LATS1: variants seen among roughly 807,000 people sequenced by gnomAD.
LATS1 encodes serine/threonine-protein kinase LATS1.
Under a neutral mutation model 106.6 loss-of-function variants are expected in LATS1, and 25 were observed. The observed-to-expected ratio is 0.23, with a 90% CI of 0.17 to 0.33. The LOEUF is 0.33. LATS1 is among the 10% of genes least tolerant of loss of function. The pLI is 1.00. For missense variants in LATS1, 1,040 were observed against 1,382.6 expected (o/e 0.75, Z 3.93); for synonymous variants, 465 against 455.6 (o/e 1.02, Z -0.26).
intron 3 of LATS1, among the ~76,000 whole-genome samples, chr6:149,689,971 T>TAA (rs148115943): frequency 1.0e-4 from 15 of 144,106 alleles, no homozygotes; most frequent in Non-Finnish European, 1.5e-4. Context: ...AGTCTTTACT[T>TAA]AAAAAAAAAA....
chr6:149,711,986 G>A (rs1180582494), intron 1 of LATS1, among the ~76,000 whole-genome samples: 2 of 152,062 alleles, frequency 1.3e-5, no homozygotes, highest in African/African-American at 4.8e-5. Context: ...GAGAGAGAGA[G>A]TGCGCACACA....
rs1489995684 is a variant in LATS1 at position 149,660,821 on chromosome 6, G to A, written c.*908C>T. ...AATAACAATCTGTATATGCAGCACTGTTCTGAAAGAGGAAACAGGTAACAT... is the reference window on the plus strand; with the variant it reads ...AATAACAATCTGTATATGCAGCACTATTCTGAAAGAGGAAACAGGTAACAT... On this transcript the variant is annotated 3_prime_UTR_variant, in exon 8 of 8. Transcript: ENST00000543571. 9.2e-6 allele frequency: 2 copies of A among 217,710 alleles called. No homozygotes were observed. The highest frequency in any genetic ancestry group is 9.2e-6 in the Non-Finnish European group (1 of 108,288). The allele number at this position is 217,710 out of a possible 1,614,324, so 13.5% of individuals were successfully genotyped here.
intron 7 of LATS1, among the ~76,000 whole-genome samples, chr6:149,665,792 G>C (rs1294832236): frequency 6.6e-6 from 1 of 152,080 alleles, no homozygotes; most frequent in Non-Finnish European, 1.5e-5. Context: ...TGGAACTTGT[G>C]GCCTGAACCC....
chr6:149,667,397 C>A (rs1781208774), intron 7 of LATS1, among the ~76,000 whole-genome samples: 1 of 132,286 alleles, frequency 7.6e-6, no homozygotes, highest in Non-Finnish European at 1.5e-5. Flanking sequence ...TGAAATCATG[C>A]CTCCGCACTC....
At chr6:149,679,450 G>A (rs1161855931) in intron 5 of LATS1, among the ~76,000 whole-genome samples, 1 of 151,542 alleles carries the variant, frequency 6.6e-6, no homozygotes, top group East Asian at 1.9e-4. Context: ...TACTCGGGAG[G>A]CTGAGGCAGG....
intron 7 of LATS1, among the ~76,000 whole-genome samples, chr6:149,663,895 C>T (rs1462618454): frequency 6.6e-6 from 1 of 151,204 alleles, no homozygotes; most frequent in Non-Finnish European, 1.5e-5. Flanking sequence ...GCAACCTCTG[C>T]CTCCTGGTTT....
chr6:149,683,465 C>T lies in LATS1; in HGVS notation c.1624G>A (p.Val542Met), dbSNP rs1245819063. Residue 542 changes from valine to methionine, a missense_variant, in exon 4 of 8, where the codon GTG becomes ATG. Val to Met is a conservative substitution (Grantham distance 21, BLOSUM62 1). Around this residue, in one of 7 missense-constraint regions of LATS1, gnomAD observed 624 missense variants for 714.8 expected, o/e 0.87. Coordinates refer to ENST00000543571, the MANE Select transcript of LATS1 (RefSeq NM_004690.4). ...FPEGTASNVTVMPPVAEAPNY... is the reference protein window; with the variant it reads ...FPEGTASNVTMMPPVAEAPNY... The stretch of plus-strand genomic sequence containing the variant: ...GGAGCTTCAGCAACAGGTGGCATCA[C>T]AGTCACATTTGAAGCGGTTCCCTCA... 1 of 1,614,198 alleles carries T rather than the reference C, an allele frequency of 6.2e-7. No homozygotes were observed.
chr6:149,706,183 CAAAAAAAAAAAAAAAAAAAAAAAAAAA>C (rs60729757), intron 1 of LATS1, among the ~76,000 whole-genome samples: 3 of 25,300 alleles, frequency 1.2e-4, no homozygotes, highest in East Asian at 1.4e-3. Context: ...AACCCGGTCG[CAAAAAAAAAAAAAAAAAAAAAAAAAAA>C]AAAAAAAAAA....
At chr6:149,700,162 A>G (rs1439391246) in intron 2 of LATS1, among the ~76,000 whole-genome samples, 1 of 152,200 alleles carries the variant, frequency 6.6e-6, no homozygotes, top group Non-Finnish European at 1.5e-5. Context: ...ATAAGTAAAC[A>G]GAATGTGCCA....
At chr6:149,708,526 A>G (rs1386628737) in intron 1 of LATS1, among the ~76,000 whole-genome samples, 1 of 152,150 alleles carries the variant, frequency 6.6e-6, no homozygotes, top group Non-Finnish European at 1.5e-5. Context: ...TTTGGTAAAT[A>G]TATTCTGGCA....
chr6:149,680,438 G>C lies in LATS1; in HGVS notation c.2030C>G (p.Ala677Gly), dbSNP rs150156091. The change falls in exon 5 of 8, where the codon GCC becomes GGC. Residue 677 changes from alanine (A) to glycine (G), a missense_variant. This residue lies in a region of LATS1 where 167 missense variants were observed against 332.1 expected (regional missense o/e 0.50). Coordinates refer to ENST00000543571, the MANE Select transcript of LATS1 (RefSeq NM_004690.4). ...AAGCATCTTTCTCATTTGATCCTGG[G>C]CATCTTGAGATAATCCAACCTAGGC... ...EMMRVGLSQDAQDQMRKMLCQ... is the reference protein window; with the variant it reads ...EMMRVGLSQDGQDQMRKMLCQ... The C allele has an allele frequency of 6.2e-7, 1 of 1,609,118 alleles. No individual in the cohort carries two copies. The highest frequency in any genetic ancestry group is 8.5e-7 in the Non-Finnish European group (1 of 1,177,412).
intron 2 of LATS1, among the ~76,000 whole-genome samples, chr6:149,695,866 A>G (rs1291461230): frequency 6.6e-6 from 1 of 151,922 alleles, no homozygotes; most frequent in Admixed American, 6.6e-5. Flanking sequence ...TTCTCTGGGT[A>G]CAATCATAGC....
At chr6:149,712,238 C>A (rs779641132) in intron 1 of LATS1, among the ~76,000 whole-genome samples, 1 of 152,122 alleles carries the variant, frequency 6.6e-6, no homozygotes, top group Non-Finnish European at 1.5e-5. Flanking sequence ...TCGCTCGTTG[C>A]CCAGGCTGGA....
rs1377713974 is a variant in LATS1, at chr6:149,658,256, T to C, written c.*3473A>G. ...ATTAAAAACACAGGCTGATTATTCA[T>C]ATCTATTACATTCAGAATTATGCGA... On this transcript the variant is annotated 3_prime_UTR_variant, in exon 8 of 8. Coordinates refer to ENST00000543571, the MANE Select transcript of LATS1 (RefSeq NM_004690.4). 6.6e-6 allele frequency: 1 copy of C among 152,216 alleles called. No homozygotes were observed. Among genetic ancestry groups the C allele is most frequent in the African/African-American group, 2.4e-5 (1 of 41,464 alleles). The allele number at this position is 152,216 out of a possible 1,614,324, so 9.4% of individuals were successfully genotyped here.
rs1780819918 is a variant in LATS1, at chr6:149,659,681, T to C, written c.*2048A>G. 1 of 227,686 alleles carries C rather than the reference T, an allele frequency of 4.4e-6. No individual in the cohort carries two copies. The highest frequency in any genetic ancestry group is 8.7e-6 in the Non-Finnish European group (1 of 114,876). 14.1% of individuals were successfully genotyped at this position (227,686 alleles called of 1,614,324 possible). A position where few individuals can be genotyped will look rare whatever the true frequency, so the allele number is the denominator to read the frequency against. On this transcript the variant is annotated 3_prime_UTR_variant, in exon 8 of 8. Coordinates refer to ENST00000543571, the MANE Select transcript of LATS1 (RefSeq NM_004690.4). ...AATCAGACTGAAAAAGCCCAAAGAGTAAGAGGAATACCTTATAAATGTGAC... is the reference window on the plus strand; with the variant it reads ...AATCAGACTGAAAAAGCCCAAAGAGCAAGAGGAATACCTTATAAATGTGAC...
chr6:149,701,700 T>C, intron 2 of LATS1, 79 bp downstream of exon 2: 1 of 987,874 alleles, frequency 1.0e-6, no homozygotes, highest in East Asian at 2.4e-5. Context: ...AAGGAAACAT[T>C]TTGGCATGTT....
At chr6:149,702,950 G>A (rs1480427170) in intron 1 of LATS1, among the ~76,000 whole-genome samples, 1 of 151,672 alleles carries the variant, frequency 6.6e-6, no homozygotes, top group Non-Finnish European at 1.5e-5. Context: ...TGGGATTACA[G>A]GTGTGAGCCA....
chr6:149,672,245 T>C (rs1429080703), intron 7 of LATS1, among the ~76,000 whole-genome samples: 1 of 151,496 alleles, frequency 6.6e-6, no homozygotes, highest in Non-Finnish European at 1.5e-5. Flanking sequence ...AGTCTCGCTC[T>C]GTCACCCAGG....
At chr6:149,710,710 G>A (rs76778493) in intron 1 of LATS1, among the ~76,000 whole-genome samples, 4,674 of 152,282 alleles carry the variant, frequency 0.031, 93 homozygotes, top group Middle Eastern at 0.048. Flanking sequence ...TAACGCTGTT[G>A]CCTATAATAA....
Sources: allele counts gnomAD v4.1 joint callset (sites outside exome capture counted in the v4.1 genomes callset), GRCh38; gene constraint gnomAD v4.1.1; regional missense constraint gnomAD v4.1.1; transcripts MANE v1.5; gene names NCBI Gene and HGNC (gene_info 2026-07-23, HGNC 2026-07-21).